The following RPTOR variants were observed in gnomAD, a reference collection of about 807,000 sequenced individuals.
RPTOR encodes regulatory associated protein of MTOR complex 1, also known as regulatory-associated protein of mTOR.
RPTOR carries 21 observed loss-of-function variants against 169.9 expected under a neutral mutation model. That is an observed-to-expected ratio of 0.12 (90% CI 0.09 to 0.18). RPTOR has a LOEUF of 0.18. Among genes scored for constraint, RPTOR ranks in the 10% least tolerant of loss-of-function variants. RPTOR has a pLI of 1.00. For synonymous variants in RPTOR, 732 were observed against 753.2 expected, an observed-to-expected ratio of 0.97 and a Z score of 0.46; for missense variants, 1,133 against 1,855.9, an observed-to-expected ratio of 0.61 and a Z score of 7.16.
intron 3 of RPTOR, among the ~76,000 whole-genome samples, chr17:80,700,739 G>GGTGATGGTAGAGATTATGGTGA (rs1555609101): frequency 1.9e-4 from 2 of 10,650 alleles, no homozygotes; most frequent in Non-Finnish European, 4.0e-4. Flanking sequence ...GATGATGGTG[G>GGTGATGGTAGAGATTATGGTGA]TGGTGGTGGT....
intron 3 of RPTOR, among the ~76,000 whole-genome samples, chr17:80,677,926 G>A (rs2065871924): frequency 1.3e-5 from 2 of 152,208 alleles, no homozygotes; most frequent in African/African-American, 4.8e-5. Context: ...AGAAAATAAG[G>A]GATGGGGACT....
rs139333301 is a variant in RPTOR at position 80,963,031 on chromosome 17, A to C, written c.3913A>C (p.Ser1305Arg). The change falls in exon 33 of 34, where the codon AGC becomes CGC. Residue 1305 changes from serine to arginine, a missense_variant. Ser to Arg is a moderately radical substitution (Grantham distance 110). This residue lies in a region of RPTOR where 410 missense variants were observed against 623.7 expected (regional missense o/e 0.66). Transcript: ENST00000306801. ...CATGGGCCAGCGGGTCGGCGCCATCAGCTGCCTGGCCTTCCACCCGCACTG... is the reference window on the plus strand; with the variant it reads ...CATGGGCCAGCGGGTCGGCGCCATCCGCTGCCTGGCCTTCCACCCGCACTG... ...GFMGQRVGAI[S>R]CLAFHPHWPH... The C allele has an allele frequency of 6.6e-7, 1 of 1,515,318 alleles. No homozygotes were observed. Among genetic ancestry groups the C allele is most frequent in the African/African-American group, 1.4e-5 (1 of 70,028 alleles). The allele number at this position is 1,515,318 out of a possible 1,614,324, so 93.9% of individuals were successfully genotyped here. A position where few individuals can be genotyped will look rare whatever the true frequency, so the allele number is the denominator to read the frequency against.
chr17:80,563,822 G>A (rs2084535640), intron 1 of RPTOR, among the ~76,000 whole-genome samples: 1 of 152,054 alleles, frequency 6.6e-6, no homozygotes, highest in Non-Finnish European at 1.5e-5. Flanking sequence ...GATCCTCTGT[G>A]CCCCCAGTCG....
chr17:80,738,593 C>T (rs1160468819), intron 5 of RPTOR, among the ~76,000 whole-genome samples: 1 of 152,174 alleles, frequency 6.6e-6, no homozygotes, highest in Non-Finnish European at 1.5e-5. Context: ...ACAAATGCTT[C>T]CCCCAGCCTG....
chr17:80,924,430 C>T (rs1318921258), intron 23 of RPTOR, among the ~76,000 whole-genome samples: 2 of 152,132 alleles, frequency 1.3e-5, no homozygotes, highest in African/African-American at 2.4e-5. Context: ...AAGAAGTTAG[C>T]GGCCGCCTTG....
rs546848420 is a variant in RPTOR, at chr17:80,867,502, T to A, written c.1509+9602T>A. 8.5e-5 allele frequency among the ~76,000 whole-genome samples: 13 copies of A among 152,318 alleles called. No homozygotes were observed. In the East Asian group the frequency reaches 2.3e-3, roughly 27 times the overall value. On this transcript the variant is annotated intron_variant, in intron 13 of 33. Coordinates refer to ENST00000306801, the MANE Select transcript of RPTOR (RefSeq NM_020761.3). ...GATGAAGCCATCTGTTCTTGTCACA[T>A]CCCTTGACATTGTACTGGAAGTTCT...
At chr17:80,800,116 CCA>C in intron 7 of RPTOR, among the ~76,000 whole-genome samples, 1 of 152,210 alleles carries the variant, frequency 6.6e-6, no homozygotes, top group East Asian at 1.9e-4. Flanking sequence ...TGGCACAGCA[CCA>C]CTTTCATGCC....
chr17:80,594,020 C>T (rs1355457540), intron 1 of RPTOR, among the ~76,000 whole-genome samples: 4 of 152,122 alleles, frequency 2.6e-5, no homozygotes, highest in East Asian at 3.9e-4. Flanking sequence ...GTGATATTGC[C>T]GTTCGTTCCT....
At chr17:80,914,923 A>G (rs2068654856) in intron 21 of RPTOR, among the ~76,000 whole-genome samples, 1 of 152,200 alleles carries the variant, frequency 6.6e-6, no homozygotes, top group South Asian at 2.1e-4. Context: ...CCAGAATGGG[A>G]ACTTTTAGTG....
At chr17:80,605,228 A>G (rs1261433684) in intron 1 of RPTOR, among the ~76,000 whole-genome samples, 1 of 152,192 alleles carries the variant, frequency 6.6e-6, no homozygotes, top group Non-Finnish European at 1.5e-5. Flanking sequence ...AGAAGGAAGA[A>G]AGGCTGTTTC....
chr17:80,962,426 C>A (rs371355093), intron 31 of RPTOR, 35 bp from the exon 32 acceptor site: 10 of 1,580,938 alleles, frequency 6.3e-6, no homozygotes, highest in Non-Finnish European at 8.7e-6. Flanking sequence ...ATGGGGCCTC[C>A]GGGAGGAGGT....
chr17:80,569,439 C>G (rs1195613719), intron 1 of RPTOR, among the ~76,000 whole-genome samples: 1 of 152,028 alleles, frequency 6.6e-6, no homozygotes, highest in Non-Finnish European at 1.5e-5. Context: ...GCAGGAGAAT[C>G]GCTTGAACCC....
chr17:80,822,998 T>A, intron 8 of RPTOR, 81 bp from the exon 9 acceptor site: 2 of 1,491,930 alleles, frequency 1.3e-6, no homozygotes, highest in Non-Finnish European at 1.8e-6. Context: ...TAATTTTTGA[T>A]AGAAGTGAAT....
rs191855954 is a variant in RPTOR at position 80,644,824 on chromosome 17, G to A, written c.348+1014G>A. ...AAAATGCCCTTAGGTCATTTCTGCT[G>A]TTGCTTCCAGTCATGAGCTAATTGT... On this transcript the variant is annotated intron_variant, in intron 3 of 33. Transcript: ENST00000306801. 2.5e-3 allele frequency among the ~76,000 whole-genome samples: 380 copies of A among 152,234 alleles called. 2 individuals are homozygous for A. The highest frequency in any genetic ancestry group is 7.7e-3 in the African/African-American group (320 of 41,528).
intron 1 of RPTOR, among the ~76,000 whole-genome samples, chr17:80,572,247 G>T (rs1235153638): frequency 2.0e-5 from 3 of 152,126 alleles, no homozygotes; most frequent in African/African-American, 7.2e-5. Context: ...ACAGGCAGGT[G>T]CCATCATGCC....
intron 1 of RPTOR, among the ~76,000 whole-genome samples, chr17:80,605,991 T>G (rs1016722567): frequency 6.6e-6 from 1 of 152,156 alleles, no homozygotes; most frequent in Admixed American, 6.5e-5. Context: ...GTGTTTTCTA[T>G]GCGTGTCTCT....
chr17:80,665,924 G>C (rs1341932612), intron 3 of RPTOR, among the ~76,000 whole-genome samples: 1 of 152,136 alleles, frequency 6.6e-6, no homozygotes, highest in African/African-American at 2.4e-5. Flanking sequence ...AGGAAGTCTT[G>C]TTTGTCTCGT....
chr17:80,895,193 GCTGGGCCCCAGCCTACCCGGCCCCCAGC>G, intron 20 of RPTOR, among the ~76,000 whole-genome samples: 2 of 152,278 alleles, frequency 1.3e-5, no homozygotes, highest in Middle Eastern at 6.8e-3. Flanking sequence ...ACCCAGCTCT[GCTGGGCCCCAGCCTACCCGGCCCCCAGC>G]CTGGGCATCG....
intron 4 of RPTOR, among the ~76,000 whole-genome samples, chr17:80,720,985 C>T (rs1340646780): frequency 2.0e-5 from 3 of 150,978 alleles, no homozygotes; most frequent in African/African-American, 5.0e-5. Context: ...GACACTTCCC[C>T]GACCCCTTGT....
Sources: allele counts gnomAD v4.1 joint callset (sites outside exome capture counted in the v4.1 genomes callset), GRCh38; gene constraint gnomAD v4.1.1; regional missense constraint gnomAD v4.1.1; transcripts MANE v1.5; gene names NCBI Gene and HGNC (gene_info 2026-07-23, HGNC 2026-07-21).